The following RP1 variants were observed in gnomAD, a reference collection of about 807,000 sequenced individuals.
RP1 encodes oxygen-regulated protein 1.
Under a neutral mutation model 14.8 loss-of-function variants are expected in RP1, and 16 were observed. The ratio of observed to expected loss-of-function variants is 1.08; its 90% CI spans 0.73 to 1.65. RP1 has a LOEUF of 1.65. Among genes scored for constraint, RP1 ranks in the 40% most tolerant of loss-of-function variants. The pLI, the probability that RP1 is intolerant of heterozygous loss-of-function variation, is 0.00. For synonymous variants in RP1, 876 were observed against 883.6 expected (o/e 0.99, Z 0.15); for missense variants, 2,631 against 2,535.0 (o/e 1.04, Z -0.81).
At chr8:54,854,180 T>A (rs1296307478) in intron 26 of RP1, among the ~76,000 whole-genome samples, 2 of 152,152 alleles carry the variant, frequency 1.3e-5, no homozygotes, top group African/African-American at 4.8e-5. Context: ...TATGTGGAAA[T>A]GCAGTCAAAT....
rs770826448 is a variant in RP1, at chr8:54,621,374, C to G, written c.408C>G (p.His136Gln). Reference protein sequence around the residue: ...PWLSSRAISAHSPPHPVAVAA... With the variant: ...PWLSSRAISAQSPPHPVAVAA... ...TCAGCAGCCGGGCCATTAGCGCGCA[C>G]TCACCGCCCCACCCCGTAGCCGTCG... is the stretch of plus-strand genomic sequence containing the variant. Residue 136 changes from histidine to glutamine, a missense_variant, in exon 2 of 4, where the codon CAC becomes CAG. His to Gln is a conservative substitution (Grantham distance 24, BLOSUM62 0). Coordinates refer to ENST00000220676, the MANE Select transcript of RP1 (RefSeq NM_006269.2). The G allele has an allele frequency of 6.2e-7, 1 of 1,612,812 alleles. No individual in the cohort carries two copies. Among genetic ancestry groups the G allele is most frequent in the East Asian group, 2.2e-5 (1 of 44,858 alleles).
In RP1 at chr8:54,630,436, C is replaced by G; in HGVS notation, c.*83C>G. ...CATGTGACGAATACGGACTAGATAA[C>G]CTCTAAGAATTTTCCACTTCTTCAA... On this transcript the variant is annotated 3_prime_UTR_variant, in exon 4 of 4. Coordinates refer to ENST00000220676, the MANE Select transcript of RP1 (RefSeq NM_006269.2). The G allele has an allele frequency of 6.4e-7, 1 of 1,564,182 alleles. No individual in the cohort carries two copies. The highest frequency in any genetic ancestry group is 8.7e-7 in the Non-Finnish European group (1 of 1,155,540).
downstream of RP1, among the ~76,000 whole-genome samples, chr8:54,773,805 A>G (rs1809969371): frequency 6.6e-6 from 1 of 152,144 alleles, no homozygotes; most frequent in African/African-American, 2.4e-5. Context: ...TCCTACATGC[A>G]CTCAGGGATT....
intron 7 of RP1, among the ~76,000 whole-genome samples, chr8:54,668,879 A>G (rs1462143486): frequency 1.3e-5 from 2 of 152,214 alleles, no homozygotes; most frequent in Non-Finnish European, 2.9e-5. Flanking sequence ...AAATTAATTC[A>G]AGATGGGTTA....
At chr8:54,603,735 C>G (rs1315504812) in intron 1 of RP1, among the ~76,000 whole-genome samples, 2 of 152,136 alleles carry the variant, frequency 1.3e-5, no homozygotes, top group Non-Finnish European at 2.9e-5. Flanking sequence ...TTGTAGTTCT[C>G]CTTGAAGAAG....
intron 1 of RP1, among the ~76,000 whole-genome samples, chr8:54,598,422 T>C (rs1805200303): frequency 6.6e-6 from 1 of 152,176 alleles, no homozygotes; most frequent in African/African-American, 2.4e-5. Context: ...CCCTCATTTA[T>C]AATTGTTTTA....
At chr8:54,624,519 A>T in intron 3 of RP1, 151 bp from the exon 4 acceptor site, 1 of 707,016 alleles carries the variant, frequency 1.4e-6, no homozygotes, top group Non-Finnish European at 2.4e-6. Context: ...ACATTTTACT[A>T]TGAAATACAG....
intron 1 of RP1, chr8:54,561,827 C>T (rs1563312783): frequency 1.3e-5 from 2 of 152,124 alleles, no homozygotes. Context: ...TATTGTATTT[C>T]AATTAATTAT....
chr8:54,573,990 T>C (rs1804588092), intron 1 of RP1, among the ~76,000 whole-genome samples: 1 of 152,228 alleles, frequency 6.6e-6, no homozygotes, highest in East Asian at 1.9e-4. Flanking sequence ...GACCTGCATG[T>C]GTGCAGATAC....
At chr8:54,866,887 G>C (rs1812470291) in intron 28 of RP1, among the ~76,000 whole-genome samples, 1 of 152,156 alleles carries the variant, frequency 6.6e-6, no homozygotes, top group Non-Finnish European at 1.5e-5. Context: ...CTCATGCATT[G>C]TATATATTAA....
At chr8:54,805,029 G>A (rs1210668102) in intron 24 of RP1, among the ~76,000 whole-genome samples, 2 of 152,140 alleles carry the variant, frequency 1.3e-5, no homozygotes, top group East Asian at 1.9e-4. Flanking sequence ...CTGAAAAGCT[G>A]CCCATATTAT....
In RP1 at chr8:54,837,670, G is replaced by GTA; in HGVS notation, c.3835+6_3835+7dup. 2 of 1,224,918 alleles carry GTA rather than the reference G, an allele frequency of 1.6e-6. No individual in the cohort carries two copies. Among genetic ancestry groups the GTA allele is most frequent in the South Asian group, 8.3e-5 (2 of 24,152 alleles). The allele number at this position is 1,224,918 out of a possible 1,614,324, so 75.9% of individuals were successfully genotyped here. On this transcript the variant is annotated splice_donor_variant, in intron 25 of 28. Coordinates refer to the RP1 transcript ENST00000637698. LOFTEE classifies it high-confidence loss of function. ...GGACCAAAGAAAGCACCTTTGCCAG[G>GTA]TATATAATTTCATTTCCTTTGTGAT...
chr8:54,780,779 C>A (rs150716714), intron 23 of RP1: 1 of 182,826 alleles, frequency 5.5e-6, no homozygotes, highest in African/African-American at 2.4e-5. Flanking sequence ...CATCTATTGG[C>A]GTTGGTATCT....
At chr8:54,679,644 G>T (rs1324133068) in intron 11 of RP1, 4 of 1,535,540 alleles carry the variant, frequency 2.6e-6, no homozygotes, top group Non-Finnish European at 3.5e-6. Context: ...TTTTGTTTGG[G>T]CTTTAGATTA....
chr8:54,674,787 TA>T (rs1332485203), intron 8 of RP1, among the ~76,000 whole-genome samples: 21 of 152,232 alleles, frequency 1.4e-4, no homozygotes, highest in Admixed American at 3.9e-4. Context: ...CTATAGACAA[TA>T]CAAATATACT....
intron 22 of RP1, among the ~76,000 whole-genome samples, chr8:54,766,301 T>A (rs1048791908): frequency 6.6e-6 from 1 of 152,078 alleles, no homozygotes; most frequent in East Asian, 1.9e-4. Context: ...ACAATTTTTA[T>A]AGGGAGAAGG....
At chr8:54,733,896 G>A (rs1345700190) in intron 17 of RP1, among the ~76,000 whole-genome samples, 1 of 152,092 alleles carries the variant, frequency 6.6e-6, no homozygotes, top group Admixed American at 6.6e-5. Context: ...TTTACAAACA[G>A]GAGTGACTGT....
chr8:54,814,882 C>T (rs1020768509), intron 24 of RP1, among the ~76,000 whole-genome samples: 2 of 152,210 alleles, frequency 1.3e-5, no homozygotes, highest in Admixed American at 6.5e-5. Flanking sequence ...CCGAATGCCA[C>T]CACCTGGCCA....
chr8:54,691,769 A>G (rs1807715964), intron 12 of RP1, among the ~76,000 whole-genome samples: 1 of 151,950 alleles, frequency 6.6e-6, no homozygotes, highest in African/African-American at 2.4e-5. Flanking sequence ...GAAAAAGCAT[A>G]CAAATATATA....
Sources: gnomAD v4.1 joint callset for allele counts (sites outside exome capture counted in the v4.1 genomes callset) on GRCh38, gnomAD v4.1.1 for gene constraint, MANE v1.5 for transcripts, NCBI Gene and HGNC (gene_info 2026-07-23, HGNC 2026-07-21) for gene names.